The following RPRD2 variants were observed in gnomAD, a reference collection of about 807,000 sequenced individuals.
RPRD2 encodes regulation of nuclear pre-mRNA domain containing 2.
RPRD2 carries 12 observed loss-of-function variants against 104.4 expected under a neutral mutation model. That is an observed-to-expected ratio of 0.11 (90% CI 0.07 to 0.19). The LOEUF (loss-of-function observed/expected upper bound fraction) is 0.19. Among genes scored for constraint, RPRD2 ranks in the 10% least tolerant of loss-of-function variants. RPRD2 has a pLI of 1.00. For missense variants in RPRD2, 1,543 were observed against 1,790.1 expected (o/e 0.86, Z 2.49); for synonymous variants, 714 against 684.9 (o/e 1.04, Z -0.66).
intron 2 of RPRD2, among the ~76,000 whole-genome samples, chr1:150,432,188 A>G (rs1381778816): frequency 1.3e-5 from 2 of 151,900 alleles, no homozygotes; most frequent in Admixed American, 6.6e-5. Context: ...AAAAAAAAAA[A>G]AAAAGAAAGA....
chr1:150,399,483 G>A (rs143542239), intron 1 of RPRD2, among the ~76,000 whole-genome samples: 2,581 of 152,182 alleles, frequency 0.017, 73 homozygotes, highest in African/African-American at 0.056. Context: ...CCGGCTGGGC[G>A]CGGTGGCTCA....
chr1:150,394,643 G>A (rs1244515936), intron 1 of RPRD2, among the ~76,000 whole-genome samples: 5 of 152,090 alleles, frequency 3.3e-5, no homozygotes, highest in Non-Finnish European at 7.4e-5. Context: ...CCAGGCTGGA[G>A]TGCAGTGGCA....
intron 1 of RPRD2, among the ~76,000 whole-genome samples, chr1:150,391,646 G>T (rs972365820): frequency 5.9e-5 from 9 of 152,296 alleles, no homozygotes; most frequent in Non-Finnish European, 1.2e-4. Context: ...AGTGGCTGAC[G>T]CCTGTAATCC....
chr1:150,416,246 A>G (rs587737618), intron 1 of RPRD2, among the ~76,000 whole-genome samples: 1 of 152,046 alleles, frequency 6.6e-6, no homozygotes, highest in African/African-American at 2.4e-5. Flanking sequence ...TATTGGTTTA[A>G]ATAATGGACA....
At chr1:150,465,627 G>A (rs1329806056) in intron 10 of RPRD2, among the ~76,000 whole-genome samples, 3 of 152,122 alleles carry the variant, frequency 2.0e-5, no homozygotes, top group African/African-American at 7.2e-5. Flanking sequence ...CTTGACTGGA[G>A]TTCAGTATTC....
chr1:150,429,843 A>G (rs587678140), intron 2 of RPRD2, among the ~76,000 whole-genome samples: 1 of 152,358 alleles, frequency 6.6e-6, no homozygotes, highest in East Asian at 1.9e-4. Flanking sequence ...TAAAATAACT[A>G]CATCCTTGAC....
chr1:150,424,419 C>A lies in RPRD2; in HGVS notation c.335+6694C>A, dbSNP rs1404563235. 2.0e-5 allele frequency among the ~76,000 whole-genome samples: 3 copies of A among 152,058 alleles called. 1 individual carries two copies. Among genetic ancestry groups the A allele is most frequent in the Admixed American group, 2.0e-4 (3 of 15,254 alleles). ...ATTCTCCTGCCTCAGCCTTGAGAAG[C>A]TGGGATTACAGGCGAGCGCCACCAT... On this transcript the variant is annotated intron_variant, in intron 2 of 10. Coordinates refer to ENST00000369068, the MANE Select transcript of RPRD2 (RefSeq NM_015203.5).
Position 150,436,182 on chromosome 1 carries a change from A to G in RPRD2, c.336-4741A>G, listed in dbSNP as rs996064059. Among the ~76,000 whole-genome samples, 9 of 152,168 alleles carry G rather than the reference A, an allele frequency of 5.9e-5. 1 individual carries two copies. The highest frequency in any genetic ancestry group is 1.9e-4 in the African/African-American group (8 of 41,436). On this transcript the variant is annotated intron_variant, in intron 2 of 10. Transcript: ENST00000369068. ...TACAAAATATTACTGTTCATTGACAATGCACCCAGTCACCCAAGAGCTCTG... is the reference window on the plus strand; with the variant it reads ...TACAAAATATTACTGTTCATTGACAGTGCACCCAGTCACCCAAGAGCTCTG...
chr1:150,417,010 T>C (rs1438553430), intron 1 of RPRD2, among the ~76,000 whole-genome samples: 1 of 152,138 alleles, frequency 6.6e-6, no homozygotes, highest in Non-Finnish European at 1.5e-5. Context: ...ATGGGAAGAC[T>C]AAGACGTATC....
At chr1:150,413,093 G>T (rs782657246) in intron 1 of RPRD2, among the ~76,000 whole-genome samples, 41 of 152,154 alleles carry the variant, frequency 2.7e-4, no homozygotes, top group Non-Finnish European at 5.7e-4. Context: ...TGTTGCAGGG[G>T]TGGTTCAGGT....
At chr1:150,402,680 G>A (rs1391150485) in intron 1 of RPRD2, among the ~76,000 whole-genome samples, 2 of 151,770 alleles carry the variant, frequency 1.3e-5, no homozygotes, top group East Asian at 1.9e-4. Context: ...CAAGATCCCC[G>A]TTTCAGCCGG....
chr1:150,433,044 G>C (rs1358006129), intron 2 of RPRD2, among the ~76,000 whole-genome samples: 2 of 152,014 alleles, frequency 1.3e-5, no homozygotes, highest in Non-Finnish European at 2.9e-5. Context: ...ATATATGTTT[G>C]AGGTGATGGC....
chr1:150,469,765 C>T (rs956181805), intron 10 of RPRD2, among the ~76,000 whole-genome samples: 26 of 152,156 alleles, frequency 1.7e-4, no homozygotes, highest in African/African-American at 5.8e-4. Context: ...TTTTGACTGT[C>T]AGTGAACACA....
chr1:150,464,826 G>T, intron 10 of RPRD2, 99 bp downstream of exon 10: 1 of 666,094 alleles, frequency 1.5e-6, no homozygotes. Flanking sequence ...GCCATAAAAT[G>T]TATAACACAG....
intron 1 of RPRD2, among the ~76,000 whole-genome samples, chr1:150,387,420 AG>A (rs2102158359): frequency 6.6e-6 from 1 of 152,154 alleles, no homozygotes; most frequent in African/African-American, 2.4e-5. Flanking sequence ...AGAAACTAAG[AG>A]AAGAGAAAGT....
Position 150,444,336 on chromosome 1 carries a change from G to A in RPRD2, c.653G>A (p.Arg218Lys), listed in dbSNP as rs1553895160. 1 of 1,613,914 alleles carries A rather than the reference G, an allele frequency of 6.2e-7. No individual in the cohort carries two copies. Among genetic ancestry groups the A allele is most frequent in the East Asian group, 2.2e-5 (1 of 44,858 alleles). Residue 218 changes from arginine (R) to lysine (K), a missense_variant, in exon 6 of 11, where the codon AGG (arginine) becomes AAG (lysine). Around this residue, in one of 4 missense-constraint regions of RPRD2, gnomAD observed 572 missense variants for 787.3 expected, o/e 0.73. Coordinates refer to ENST00000369068, the MANE Select transcript of RPRD2 (RefSeq NM_015203.5). ...ELKEKQLSTMRVDVCSTETLK... is the reference protein window; with the variant it reads ...ELKEKQLSTMKVDVCSTETLK... ...AAGGAAAAGCAGTTGTCAACTATGA[G>A]GGTGGATGTGTGCAGCACAGAAACT...
rs1276533469 is a variant in RPRD2, at chr1:150,472,268, A to G, written c.3320A>G (p.Glu1107Gly). 2 of 1,613,936 alleles carry G rather than the reference A, an allele frequency of 1.2e-6. No individual in the cohort carries two copies. Among genetic ancestry groups the G allele is most frequent in the Admixed American group, 1.7e-5 (1 of 60,002 alleles). ...TCAGGGGAGCCGATCCAGACCGTAG[A>G]GTCCATCCGAGTTCCTGGGAAGGGA... ...RMSGEPIQTV[E>G]SIRVPGKGNR... The change falls in exon 11 of 11, where the codon GAG (glutamate) becomes GGG (glycine). Residue 1107 changes from glutamate to glycine, a missense_variant. Physicochemically the swap from Glu to Gly is moderately conservative, Grantham distance 98. Around this residue, in one of 4 missense-constraint regions of RPRD2, gnomAD observed 880 missense variants for 885.6 expected, o/e 0.99. Coordinates refer to ENST00000369068, the MANE Select transcript of RPRD2 (RefSeq NM_015203.5).
chr1:150,430,699 G>A (rs1287602058), intron 2 of RPRD2, among the ~76,000 whole-genome samples: 1 of 152,196 alleles, frequency 6.6e-6, no homozygotes, highest in African/African-American at 2.4e-5. Flanking sequence ...GGAGGCTGGG[G>A]CAGGCGGATC....
At chr1:150,403,257 T>C (rs988874914) in intron 1 of RPRD2, among the ~76,000 whole-genome samples, 2 of 152,224 alleles carry the variant, frequency 1.3e-5, no homozygotes, top group Admixed American at 6.5e-5. Flanking sequence ...TTTTTTAAAC[T>C]GTGGTAAAGT....
Sources: allele counts gnomAD v4.1 joint callset (sites outside exome capture counted in the v4.1 genomes callset), GRCh38; gene constraint gnomAD v4.1.1; regional missense constraint gnomAD v4.1.1; transcripts MANE v1.5; gene names NCBI Gene and HGNC (gene_info 2026-07-23, HGNC 2026-07-21).